Variants in CRISP1 observed in about 807,000 individuals in gnomAD.
CRISP1 encodes cysteine-rich secretory protein 1.
CRISP1 carries 44 observed loss-of-function variants against 33.1 expected under a neutral mutation model. The ratio of observed to expected loss-of-function variants is 1.33; its 90% CI spans 1.05 to 1.71. The LOEUF (loss-of-function observed/expected upper bound fraction) is 1.71, where lower values mean the gene tolerates loss of function less well. Ranked by LOEUF, CRISP1 falls within the 40% of genes most tolerant of loss-of-function variation. The pLI is 0.00. For synonymous variants in CRISP1, 103 were observed against 98.7 expected (o/e 1.04, Z -0.26); for missense variants, 390 against 301.2 (o/e 1.29, Z -2.18).
intron 1 of CRISP1, among the ~76,000 whole-genome samples, chr6:49,859,314 T>C (rs1771581627): frequency 6.6e-6 from 1 of 151,634 alleles, no homozygotes; most frequent in African/African-American, 2.4e-5. Flanking sequence ...TCCACATCTC[T>C]GGAGCCACAT....
At chr6:49,839,219 G>A (rs1770903503) in intron 6 of CRISP1, among the ~76,000 whole-genome samples, 1 of 127,146 alleles carries the variant, frequency 7.9e-6, no homozygotes, top group Admixed American at 9.9e-5. Context: ...AGGATTGCTT[G>A]AGCCCGAAAG....
intron 1 of CRISP1, among the ~76,000 whole-genome samples, chr6:49,858,739 A>C (rs1277950790): frequency 6.6e-6 from 1 of 152,148 alleles, no homozygotes; most frequent in South Asian, 2.1e-4. Context: ...TGCTCAAAAA[A>C]TCTAGTAAAG....
At chr6:49,846,738 A>G in intron 4 of CRISP1, 70 bp from the exon 5 acceptor site, 1 of 1,450,626 alleles carries the variant, frequency 6.9e-7, no homozygotes, top group Non-Finnish European at 9.4e-7. Context: ...GACTTTCCTC[A>G]TTTTTATTTT....
rs138679779 is a variant in CRISP1, at chr6:49,846,526, G to A, written c.429C>T (p.Tyr143=). ...TTGCCAGCACACAGGTTACCTGAGTGTAGTGGTCAGTAGTTATGTCATCAT... is the reference window on the plus strand; with the variant it reads ...TTGCCAGCACACAGGTTACCTGAGTATAGTGGTCAGTAGTTATGTCATCAT... ...TTDDDITTDH[Y]TQIVWATSYL... Residue 143 remains tyrosine (Y), a synonymous_variant, in exon 5 of 8, where the codon TAC becomes TAT. Transcript: ENST00000335847. The A allele has an allele frequency of 1.5e-3, 2,353 of 1,612,842 alleles. 4 individuals are homozygous for A. The highest frequency in any genetic ancestry group is 1.9e-3 in the Non-Finnish European group (2,217 of 1,179,386).
chr6:49,849,949 T>C (rs547738905), intron 3 of CRISP1, among the ~76,000 whole-genome samples: 6 of 151,944 alleles, frequency 3.9e-5, no homozygotes, highest in African/African-American at 7.2e-5. Flanking sequence ...CATCTACCAG[T>C]GTATAGCCTC....
At chr6:49,851,249 G>T (rs1219632522) in intron 3 of CRISP1, among the ~76,000 whole-genome samples, 1 of 152,074 alleles carries the variant, frequency 6.6e-6, no homozygotes, top group Non-Finnish European at 1.5e-5. Context: ...ACCCTCCAGA[G>T]CCTGCACTAT....
At chr6:49,855,227 C>T (rs1035864255) in intron 2 of CRISP1, among the ~76,000 whole-genome samples, 1 of 152,130 alleles carries the variant, frequency 6.6e-6, no homozygotes, top group Admixed American at 6.6e-5. Flanking sequence ...ATGTCTATAG[C>T]CTCTCTCCCA....
At chr6:49,857,227 T>A (rs1326644576) in intron 2 of CRISP1, 108 bp downstream of exon 2, 3 of 949,620 alleles carry the variant, frequency 3.2e-6, no homozygotes, top group Non-Finnish European at 4.8e-6. Flanking sequence ...AAGTGAGTAA[T>A]GGGTGTAGTG....
At chr6:49,873,785 C>T (rs1247728355) in intron 1 of CRISP1, among the ~76,000 whole-genome samples, 1 of 151,884 alleles carries the variant, frequency 6.6e-6, no homozygotes, top group Non-Finnish European at 1.5e-5. Flanking sequence ...AGCTCAGTAC[C>T]TATACTTAAC....
chr6:49,839,379 A>G (rs1339013227), intron 6 of CRISP1, among the ~76,000 whole-genome samples: 2 of 151,644 alleles, frequency 1.3e-5, no homozygotes, highest in African/African-American at 4.8e-5. Context: ...GGAGCCCAGA[A>G]GGTCAATACT....
chr6:49,867,366 T>C (rs1192785243), upstream of CRISP1, among the ~76,000 whole-genome samples: 3 of 152,096 alleles, frequency 2.0e-5, no homozygotes, highest in Non-Finnish European at 4.4e-5. Context: ...ATTGAAGTCA[T>C]AGCTTGCTGG....
upstream of CRISP1, among the ~76,000 whole-genome samples, chr6:49,870,741 G>C (rs751131079): frequency 6.6e-6 from 1 of 152,090 alleles, no homozygotes; most frequent in Admixed American, 6.6e-5. Context: ...ATTGTTTTCT[G>C]CTCCAAATTA....
upstream of CRISP1, among the ~76,000 whole-genome samples, chr6:49,870,613 C>T (rs539163297): frequency 6.6e-6 from 1 of 152,168 alleles, no homozygotes; most frequent in Non-Finnish European, 1.5e-5. Context: ...TTAATACAGA[C>T]AATTATGCAA....
chr6:49,852,425 A>G (rs1771376560), intron 2 of CRISP1, among the ~76,000 whole-genome samples: 1 of 152,140 alleles, frequency 6.6e-6, no homozygotes, highest in Admixed American at 6.6e-5. Flanking sequence ...TTTATTGGGC[A>G]ATAAGATCCA....
Position 49,852,026 on chromosome 6 carries a change from G to A in CRISP1, c.170C>T (p.Pro57Leu). Residue 57 changes from proline (P) to leucine (L), a missense_variant, in exon 3 of 8, where the codon CCA becomes CTA. By Grantham distance (98) the Pro-to-Leu change is moderately conservative. Transcript: ENST00000335847. The stretch of plus-strand genomic sequence containing the variant: ...CATCTTCAGCATGTTGCTGGCTGGT[G>A]GAACTACTCTTCTCCTGAGGGCGTT... ...IHNALRRRVVPPASNMLKMSW... is the reference protein window; with the variant it reads ...IHNALRRRVVLPASNMLKMSW... 6.2e-7 allele frequency: 1 copy of A among 1,610,592 alleles called. No homozygotes were observed. The highest frequency in any genetic ancestry group is 8.5e-7 in the Non-Finnish European group (1 of 1,178,714).
intron 5 of CRISP1, among the ~76,000 whole-genome samples, chr6:49,844,449 C>T (rs533805274): frequency 2.6e-5 from 4 of 152,284 alleles, no homozygotes; most frequent in Non-Finnish European, 4.4e-5. Context: ...CTCCCATGCC[C>T]ACTACAGGTC....
upstream of CRISP1, among the ~76,000 whole-genome samples, chr6:49,870,247 GT>G (rs994620330): frequency 5.9e-5 from 9 of 152,290 alleles, no homozygotes; most frequent in African/African-American, 1.9e-4. Flanking sequence ...TTTGGAATTT[GT>G]GTCAGCTAGG....
chr6:49,843,088 C>T (rs964123067), intron 5 of CRISP1, among the ~76,000 whole-genome samples: 1 of 152,064 alleles, frequency 6.6e-6, no homozygotes, highest in Non-Finnish European at 1.5e-5. Flanking sequence ...TGAGATAATG[C>T]TTTTGTGATA....
intron 2 of CRISP1, among the ~76,000 whole-genome samples, chr6:49,853,524 C>T (rs1204471945): frequency 6.6e-6 from 1 of 152,140 alleles, no homozygotes; most frequent in African/African-American, 2.4e-5. Flanking sequence ...TCTTTATCCT[C>T]ACTTTAATGG....
Sources: allele counts gnomAD v4.1 joint callset (sites outside exome capture counted in the v4.1 genomes callset), GRCh38; gene constraint gnomAD v4.1.1; transcripts MANE v1.5; gene names NCBI Gene and HGNC (gene_info 2026-07-23, HGNC 2026-07-21).